The following DDX10 variants were observed in gnomAD, a reference collection of about 807,000 sequenced individuals.
The protein encoded by DDX10 is DEAD-box helicase 10.
DDX10 carries 74 observed loss-of-function variants against 104.3 expected under a neutral mutation model. That is an observed-to-expected ratio of 0.71 (90% CI 0.59 to 0.86). The LOEUF (loss-of-function observed/expected upper bound fraction) is 0.86. Among genes scored for constraint, DDX10 ranks in the 40% least tolerant of loss-of-function variants. The pLI, the probability that DDX10 is intolerant of heterozygous loss-of-function variation, is 0.00. For synonymous variants in DDX10, 351 were observed against 353.4 expected (o/e 0.99, Z 0.08); for missense variants, 952 against 1,040.0 (o/e 0.92, Z 1.16).
chr11:108,716,090 T>C (rs1022443084), intron 11 of DDX10, 124 bp downstream of exon 11: 4 of 665,362 alleles, frequency 6.0e-6, no homozygotes, highest in Admixed American at 5.7e-5. Flanking sequence ...TGCTGACAGA[T>C]AAGTCTAGCT....
At chr11:108,781,740 C>T (rs1209326232) in intron 13 of DDX10, among the ~76,000 whole-genome samples, 1 of 152,058 alleles carries the variant, frequency 6.6e-6, no homozygotes, top group Non-Finnish European at 1.5e-5. Context: ...CCCTCTCACC[C>T]CCATTGTTTG....
chr11:108,863,594 G>A (rs979175133), intron 16 of DDX10, among the ~76,000 whole-genome samples: 4 of 151,984 alleles, frequency 2.6e-5, no homozygotes, highest in East Asian at 3.8e-4. Flanking sequence ...GTATATTATC[G>A]GAAGGCTTCA....
At chr11:108,773,735 G>A (rs771333303) in intron 13 of DDX10, among the ~76,000 whole-genome samples, 1 of 151,832 alleles carries the variant, frequency 6.6e-6, no homozygotes, top group African/African-American at 2.4e-5. Flanking sequence ...ATATAGTAAG[G>A]GCATTTAATT....
At chr11:108,833,574 A>G (rs577426059) in intron 13 of DDX10, among the ~76,000 whole-genome samples, 17 of 152,244 alleles carry the variant, frequency 1.1e-4, no homozygotes, top group Non-Finnish European at 2.1e-4. Context: ...CCCTAAAACA[A>G]ATAAAAAGTT....
At chr11:108,919,988 A>G (rs1298712306) in intron 17 of DDX10, 1 of 151,680 alleles carries the variant, frequency 6.6e-6, no homozygotes, top group Admixed American at 6.6e-5. Flanking sequence ...TAACTGCTCT[A>G]GCCTCAATTC....
intron 9 of DDX10, among the ~76,000 whole-genome samples, chr11:108,696,324 G>A (rs897518426): frequency 2.0e-5 from 3 of 152,032 alleles, no homozygotes; most frequent in Admixed American, 6.5e-5. Flanking sequence ...CTATAGGCGC[G>A]TGCCACCACA....
intron 9 of DDX10, among the ~76,000 whole-genome samples, chr11:108,696,269 C>G (rs190749133): frequency 1.3e-5 from 2 of 152,218 alleles, no homozygotes; most frequent in East Asian, 3.9e-4. Flanking sequence ...CTCCGCCTCC[C>G]GGGTTCAAGT....
At position 108,795,357 on chromosome 11, in the gene DDX10, G is replaced by T. The variant is rs557662908; in HGVS notation, c.1966-43089G>T. 2.0e-5 allele frequency among the ~76,000 whole-genome samples: 3 copies of T among 149,092 alleles called. No homozygotes were observed. In the East Asian group the frequency reaches 6.0e-4, roughly 30 times the overall value. On this transcript the variant is annotated intron_variant, in intron 13 of 17. Transcript: ENST00000322536. ...GTTCTAGGGTACATGTGCACAACAT[G>T]CACATATGTATACATGTGCCATATT...
intron 13 of DDX10, among the ~76,000 whole-genome samples, chr11:108,760,467 C>T (rs540359524): frequency 6.6e-5 from 10 of 152,108 alleles, no homozygotes; most frequent in Admixed American, 1.3e-4. Context: ...CAAACTCATG[C>T]ATGTTTTCAT....
At chr11:108,844,541 G>A (rs1565296336) in intron 15 of DDX10, among the ~76,000 whole-genome samples, 1 of 152,222 alleles carries the variant, frequency 6.6e-6, no homozygotes, top group African/African-American at 2.4e-5. Context: ...TTCTTAAGTG[G>A]CACATCTTCA....
chr11:108,852,983 A>AT (rs1188527167), intron 16 of DDX10, among the ~76,000 whole-genome samples: 4 of 151,938 alleles, frequency 2.6e-5, no homozygotes, highest in Admixed American at 6.6e-5. Flanking sequence ...ATTCTTCGTC[A>AT]TTTTTTTTCC....
At chr11:108,771,245 G>A (rs1295376853) in intron 13 of DDX10, among the ~76,000 whole-genome samples, 1 of 151,902 alleles carries the variant, frequency 6.6e-6, no homozygotes, top group East Asian at 1.9e-4. Context: ...TCTATATTCT[G>A]GTTATTAATC....
At chr11:108,921,622 G>C (rs1462876220) in intron 17 of DDX10, 1 of 152,188 alleles carries the variant, frequency 6.6e-6, no homozygotes, top group Non-Finnish European at 1.5e-5. Context: ...CATTTTCAGA[G>C]ACGAATTCAC....
At chr11:108,728,910 C>G (rs1414207856) in intron 13 of DDX10, among the ~76,000 whole-genome samples, 2 of 152,036 alleles carry the variant, frequency 1.3e-5, no homozygotes, top group Non-Finnish European at 2.9e-5. Flanking sequence ...TTATGGTTGC[C>G]TAATATGCCA....
intron 13 of DDX10, among the ~76,000 whole-genome samples, chr11:108,742,819 A>C (rs1008246889): frequency 2.6e-5 from 4 of 152,086 alleles, no homozygotes; most frequent in African/African-American, 9.7e-5. Context: ...GAAACATACA[A>C]CCTCCTGGGA....
intron 13 of DDX10, among the ~76,000 whole-genome samples, chr11:108,827,576 G>A (rs1055723137): frequency 1.3e-5 from 2 of 152,058 alleles, no homozygotes; most frequent in African/African-American, 2.4e-5. Context: ...AAAATCCTAC[G>A]AGACTTCTTA....
chr11:108,817,772 G>A (rs1862274660), intron 13 of DDX10, among the ~76,000 whole-genome samples: 1 of 152,172 alleles, frequency 6.6e-6, no homozygotes, highest in Admixed American at 6.5e-5. Context: ...TAGAAAACAG[G>A]AGGGCATGCA....
intron 17 of DDX10, among the ~76,000 whole-genome samples, chr11:108,930,953 A>C (rs942206578): frequency 1.3e-5 from 2 of 152,188 alleles, no homozygotes; most frequent in African/African-American, 4.8e-5. Flanking sequence ...TAAAAACGTC[A>C]AAGACTATTG....
At chr11:108,762,365 G>A (rs991302042) in intron 13 of DDX10, among the ~76,000 whole-genome samples, 3 of 152,102 alleles carry the variant, frequency 2.0e-5, no homozygotes, top group African/African-American at 7.2e-5. Context: ...TTTATGTTTG[G>A]CTTATGAAAA....
Sources: allele counts gnomAD v4.1 joint callset (sites outside exome capture counted in the v4.1 genomes callset), GRCh38; gene constraint gnomAD v4.1.1; transcripts MANE v1.5; gene names NCBI Gene and HGNC (gene_info 2026-07-23, HGNC 2026-07-21).